Variants in MARCHF10 observed in about 807,000 individuals in gnomAD.
MARCHF10 encodes probable E3 ubiquitin-protein ligase MARCHF10.
In MARCHF10, 64 loss-of-function variants were observed where a neutral mutation model predicts 76.2. The ratio of observed to expected loss-of-function variants is 0.84; its 90% CI spans 0.69 to 1.03. The LOEUF (loss-of-function observed/expected upper bound fraction) is 1.03, where lower values mean the gene tolerates loss of function less well. Ranked by LOEUF, MARCHF10 falls within the 50% of genes least tolerant of loss-of-function variation. The pLI is 0.00. For missense variants in MARCHF10, 875 were observed against 958.0 expected, an observed-to-expected ratio of 0.91 and a Z score of 1.14; for synonymous variants, 340 against 357.5, an observed-to-expected ratio of 0.95 and a Z score of 0.55.
intron 3 of MARCHF10, among the ~76,000 whole-genome samples, chr17:62,770,311 A>G (rs1439848966): frequency 6.6e-6 from 1 of 152,184 alleles, no homozygotes; most frequent in Non-Finnish European, 1.5e-5. Flanking sequence ...GCTATTGCAA[A>G]CAGCATGGCA....
chr17:62,766,585 T>C (rs1320581317), intron 3 of MARCHF10, among the ~76,000 whole-genome samples: 1 of 152,198 alleles, frequency 6.6e-6, no homozygotes, highest in African/African-American at 2.4e-5. Context: ...TTGACGTAGG[T>C]GTCTTTCAGA....
chr17:62,705,377 T>G (rs558342276), intron 10 of MARCHF10, 162 bp downstream of exon 10: 2 of 1,532,594 alleles, frequency 1.3e-6, no homozygotes, highest in Admixed American at 4.7e-5. Flanking sequence ...CTCGCCTTCC[T>G]GATTGTTTGC....
chr17:62,718,667 G>A (rs955678239), intron 8 of MARCHF10, among the ~76,000 whole-genome samples: 18 of 152,200 alleles, frequency 1.2e-4, no homozygotes, highest in African/African-American at 4.1e-4. Context: ...GGCACTGAGA[G>A]GTTCTGGTTT....
At position 62,703,858 on chromosome 17, in the gene MARCHF10, G is replaced by A. The variant is rs570555861; in HGVS notation, c.2371+1681C>T. On this transcript the variant is annotated intron_variant, in intron 10 of 10. Transcript: ENST00000311269. Reference sequence around the variant, plus strand: ...AGACGTCGGTCTTCCCTGGGGCCGGGGCTCAAGGCCAGGGTGCCCCAAGCC... The same window carrying A: ...AGACGTCGGTCTTCCCTGGGGCCGGAGCTCAAGGCCAGGGTGCCCCAAGCC... 5.3e-5 allele frequency among the ~76,000 whole-genome samples: 8 copies of A among 152,340 alleles called. No individual in the cohort carries two copies. The South Asian group carries it at 1.7e-3, about 32-fold the overall frequency.
At chr17:62,747,414 A>G (rs1254042046) in intron 4 of MARCHF10, among the ~76,000 whole-genome samples, 1 of 152,264 alleles carries the variant, frequency 6.6e-6, no homozygotes, top group African/African-American at 2.4e-5. Flanking sequence ...GCAAACTAAA[A>G]TAATAAAGCT....
In MARCHF10 at chr17:62,704,803, A is replaced by G. The variant is rs1461508282; in HGVS notation, c.2371+736T>C. ...AGGGCTTTTGGACAGGCAGTTGTGA[A>G]ATTTTCCCCCAGAAGAATCTCTGGG... On this transcript the variant is annotated intron_variant, in intron 10 of 10. Transcript: ENST00000311269. 1.3e-5 allele frequency: 6 copies of G among 465,634 alleles called. No homozygotes were observed. In the Admixed American group the frequency reaches 3.2e-4, roughly 25 times the overall value. The allele number at this position is 465,634 out of a possible 1,614,324, so 28.8% of individuals were successfully genotyped here. A position where few individuals can be genotyped will look rare whatever the true frequency, so the allele number is the denominator to read the frequency against.
In MARCHF10 at chr17:62,724,852, G is replaced by A. The variant is rs1367547967; in HGVS notation, c.2104+86C>T. Reference sequence around the variant, plus strand: ...GCTGTTCTGCGGAGGAGAGTGAGCTGATGACAAGGCTCCGGGGCCCACACC... The same window carrying A: ...GCTGTTCTGCGGAGGAGAGTGAGCTAATGACAAGGCTCCGGGGCCCACACC... On this transcript the variant is annotated intron_variant, in intron 7 of 10. Coordinates refer to ENST00000311269, the MANE Select transcript of MARCHF10 (RefSeq NM_152598.4). The A allele has an allele frequency of 4.1e-6, 6 of 1,459,398 alleles. No individual in the cohort carries two copies. The African/African-American group carries it at 5.7e-5, about 14-fold the overall frequency. 90.4% of individuals were successfully genotyped at this position (1,459,398 alleles called of 1,614,324 possible).
rs188284362 is a variant in MARCHF10 at position 62,761,539 on chromosome 17, A to G, written c.211-1533T>C. ...CGGGTTCAAGCAATTCTCCTGCCTCAGCCTCCTGAGTAGCTGGGATTACAG... is the reference window on the plus strand; with the variant it reads ...CGGGTTCAAGCAATTCTCCTGCCTCGGCCTCCTGAGTAGCTGGGATTACAG... On this transcript the variant is annotated intron_variant, in intron 3 of 10. Transcript: ENST00000311269. Among the ~76,000 whole-genome samples, 1,059 of 152,098 alleles carry G rather than the reference A, an allele frequency of 7.0e-3. 10 individuals carry two copies. Among genetic ancestry groups the G allele is most frequent in the African/African-American group, 0.024 (999 of 41,490 alleles).
rs2089972705 is a variant in MARCHF10 at position 62,712,257 on chromosome 17, C to G, written c.2215-913G>C. Among the ~76,000 whole-genome samples, 1 of 152,206 alleles carries G rather than the reference C, an allele frequency of 6.6e-6. No individual in the cohort carries two copies. Among genetic ancestry groups the G allele is most frequent in the Non-Finnish European group, 1.5e-5 (1 of 68,036 alleles). On this transcript the variant is annotated intron_variant, in intron 8 of 10. Transcript: ENST00000311269. This position sits in a 1 kb window ranked among gnomAD's most constrained non-coding sequence, Gnocchi z 4.2. The stretch of plus-strand genomic sequence containing the variant: ...CACCCAGCCCCCGGGGAATAGAGTC[C>G]CCAGCAGAGGGCATGGCCCCTTCCG...
Position 62,738,060 on chromosome 17 carries a change from T to A in MARCHF10, c.536-728A>T, listed in dbSNP as rs369714417. ...AACTGTCTCTCTCTGTCTCTCTCTG[T>A]CACACACACACACACACACACACAC... On this transcript the variant is annotated intron_variant, in intron 5 of 10. Coordinates refer to ENST00000311269, the MANE Select transcript of MARCHF10 (RefSeq NM_152598.4). This position sits in a 1 kb window ranked among gnomAD's most constrained non-coding sequence, Gnocchi z 4.0. The A allele has an allele frequency of 1.6e-3, 207 of 127,402 alleles. No individual in the cohort carries two copies. The highest frequency in any genetic ancestry group is 0.015 in the Middle Eastern group (4 of 268). 7.9% of individuals were successfully genotyped at this position (127,402 alleles called of 1,614,324 possible). A position where few individuals can be genotyped will look rare whatever the true frequency, so the allele number is the denominator to read the frequency against.
chr17:62,722,556 G>C lies in MARCHF10; in HGVS notation c.2146C>G (p.Gln716Glu). The C allele has an allele frequency of 6.2e-7, 1 of 1,614,006 alleles. No homozygotes were observed. The highest frequency in any genetic ancestry group is 1.1e-5 in the South Asian group (1 of 91,002). The change falls in exon 8 of 11, where the codon CAA (glutamine) becomes GAA (glutamate). Residue 716 changes from glutamine to glutamate, a missense_variant. By Grantham distance (29) the Gln-to-Glu change is conservative. Transcript: ENST00000311269. ...GAVKTCEMCKQGLLVDLGDFN... is the reference protein window; with the variant it reads ...GAVKTCEMCKEGLLVDLGDFN... Reference sequence around the variant, plus strand: ...TCACCCAGGTCAACCAGCAGGCCTTGCTTACACATCTCACAGGTCTTCACG... The same window carrying C: ...TCACCCAGGTCAACCAGCAGGCCTTCCTTACACATCTCACAGGTCTTCACG...
At chr17:62,789,639 A>G (rs2092809659) in intron 2 of MARCHF10, among the ~76,000 whole-genome samples, 1 of 152,170 alleles carries the variant, frequency 6.6e-6, no homozygotes, top group Non-Finnish European at 1.5e-5. Flanking sequence ...ATTTAATTTT[A>G]GCTGAATTGC....
intron 8 of MARCHF10, among the ~76,000 whole-genome samples, chr17:62,718,711 C>T (rs1400591491): frequency 1.3e-5 from 2 of 152,130 alleles, no homozygotes; most frequent in Non-Finnish European, 2.9e-5. Flanking sequence ...TGCTCAGCGT[C>T]CAGGAATGTG....
chr17:62,803,512 ATAGC>A (rs1161034256), intron 1 of MARCHF10, among the ~76,000 whole-genome samples: 1 of 151,850 alleles, frequency 6.6e-6, no homozygotes, highest in Non-Finnish European at 1.5e-5. Flanking sequence ...AGAGGGGATC[ATAGC>A]TACTCTTTTT....
rs868089556 is a variant in MARCHF10 at position 62,736,958 on chromosome 17, C to T, written c.910G>A (p.Gly304Ser). ...GAAGGAGAACAGGGTGAGCGCACAC[C>T]AACCCACAGACATTCTTCAGACTGG... The part of the protein sequence containing the change: ...ETQSEECLWV[G>S]VRSPCSPSHH... Residue 304 changes from glycine to serine, a missense_variant, in exon 6 of 11, where the codon GGT becomes AGT. By Grantham distance (56) the Gly-to-Ser change is moderately conservative. Transcript: ENST00000311269. The T allele has an allele frequency of 6.2e-7, 1 of 1,614,006 alleles. No homozygotes were observed. The highest frequency in any genetic ancestry group is 1.3e-5 in the African/African-American group (1 of 74,898).
chr17:62,710,057 A>C (rs2089830946), intron 9 of MARCHF10, among the ~76,000 whole-genome samples: 1 of 152,110 alleles, frequency 6.6e-6, no homozygotes, highest in Admixed American at 6.5e-5. Context: ...GGACAGATTT[A>C]CTGGAAGTTT....
chr17:62,797,069 T>C (rs1460480601), intron 2 of MARCHF10, among the ~76,000 whole-genome samples: 2 of 152,200 alleles, frequency 1.3e-5, no homozygotes, highest in Non-Finnish European at 2.9e-5. Context: ...ATAAGCTCTG[T>C]GCAGGAAGCA....
chr17:62,760,845 T>C (rs1181180659), intron 3 of MARCHF10, among the ~76,000 whole-genome samples: 5 of 152,202 alleles, frequency 3.3e-5, no homozygotes, highest in Non-Finnish European at 7.3e-5. Flanking sequence ...TGGGGGGTCG[T>C]TGCGGTGGGG....
At chr17:62,743,208 A>G (rs2091578175) in intron 5 of MARCHF10, among the ~76,000 whole-genome samples, 1 of 152,214 alleles carries the variant, frequency 6.6e-6, no homozygotes, top group Non-Finnish European at 1.5e-5. Flanking sequence ...CTTAAAGCTC[A>G]TGCCCTTCCC....
Sources: allele counts gnomAD v4.1 joint callset (sites outside exome capture counted in the v4.1 genomes callset), GRCh38; gene constraint gnomAD v4.1.1; non-coding constraint Gnocchi (gnomAD v3.1); transcripts MANE v1.5; gene names NCBI Gene and HGNC (gene_info 2026-07-23, HGNC 2026-07-21).